Variants in CAPS2 observed in about 807,000 individuals in gnomAD.
CAPS2 encodes calcyphosine 2.
A neutral mutation model predicts 86.5 loss-of-function variants in CAPS2; 98 were observed. The observed-to-expected ratio is 1.13, with a 90% confidence interval of 0.96 to 1.34. CAPS2 has a LOEUF of 1.34. CAPS2 is among the 40% of genes most tolerant of loss of function. CAPS2 has a pLI of 0.00. For synonymous variants in CAPS2, 210 were observed against 225.1 expected, an observed-to-expected ratio of 0.93 and a Z score of 0.60; for missense variants, 729 against 686.8, an observed-to-expected ratio of 1.06 and a Z score of -0.69.
chr12:75,329,937 T>C (rs1483268724), upstream of CAPS2: 12 of 1,373,932 alleles, frequency 8.7e-6, no homozygotes, highest in Middle Eastern at 7.1e-4. Context: ...CCTAACAAGC[T>C]CGGTAAGAAG....
At chr12:75,344,597 G>A (rs896505820) in intron 1 of CAPS2, among the ~76,000 whole-genome samples, 4 of 151,914 alleles carry the variant, frequency 2.6e-5, no homozygotes, top group African/African-American at 7.3e-5. Flanking sequence ...TGTTAGCTCT[G>A]TGTTAGTTTC....
intron 1 of CAPS2, among the ~76,000 whole-genome samples, chr12:75,345,926 G>A (rs888628295): frequency 1.3e-5 from 2 of 152,142 alleles, no homozygotes; most frequent in African/African-American, 4.8e-5. Context: ...TTACACACAA[G>A]GTTAAGTAAT....
intron 1 of CAPS2, among the ~76,000 whole-genome samples, chr12:75,356,552 G>A (rs556513628): frequency 5.3e-5 from 8 of 151,920 alleles, no homozygotes; most frequent in South Asian, 4.2e-4. Flanking sequence ...AAGAGTAATC[G>A]CAAATAAGCC....
At chr12:75,305,659 GGCCCCTAGCACT>G (rs552350867) in intron 7 of CAPS2, 36 of 642,728 alleles carry the variant, frequency 5.6e-5, no homozygotes, top group Non-Finnish European at 1.0e-4. Context: ...GCGCCCACCA[GGCCCCTAGCACT>G]GCCCAGTCTG....
chr12:75,286,879 A>G (rs755993052), intron 14 of CAPS2, among the ~76,000 whole-genome samples: 1 of 151,938 alleles, frequency 6.6e-6, no homozygotes, highest in Non-Finnish European at 1.5e-5. Context: ...TGTTCCCTCT[A>G]TGTTAGAAGT....
chr12:75,330,837 T>C (rs2041244089), upstream of CAPS2, among the ~76,000 whole-genome samples: 1 of 151,502 alleles, frequency 6.6e-6, no homozygotes, highest in African/African-American at 2.4e-5. Context: ...CAGGCTGGAG[T>C]GCAATGGCAC....
chr12:75,318,776 T>C (rs936877106), intron 5 of CAPS2, among the ~76,000 whole-genome samples: 1 of 152,086 alleles, frequency 6.6e-6, no homozygotes, highest in African/African-American at 2.4e-5. Context: ...ATTTTTTTTT[T>C]CTCCTTGCCA....
At chr12:75,327,349 A>G (rs1266725952), upstream of CAPS2, among the ~76,000 whole-genome samples, 1 of 152,178 alleles carries the variant, frequency 6.6e-6, no homozygotes, top group Admixed American at 6.5e-5. Context: ...AAATGGTCCA[A>G]TTAGTAATAA....
intron 11 of CAPS2, among the ~76,000 whole-genome samples, chr12:75,297,816 T>A (rs1168790424): frequency 6.6e-6 from 1 of 152,156 alleles, no homozygotes; most frequent in Non-Finnish European, 1.5e-5. Flanking sequence ...AGCTGTCTTC[T>A]CCACCTGGAA....
intron 8 of CAPS2, among the ~76,000 whole-genome samples, chr12:75,303,560 T>C (rs979033688): frequency 1.3e-5 from 2 of 152,218 alleles, no homozygotes; most frequent in Non-Finnish European, 2.9e-5. Flanking sequence ...ATAATTCCTA[T>C]GTTGTGCACC....
At chr12:75,373,726 G>T (rs1566026161) in intron 1 of CAPS2, 1 of 153,416 alleles carries the variant, frequency 6.5e-6, no homozygotes, top group South Asian at 1.9e-4. Context: ...TCTGCCAACT[G>T]ATCATAGGGA....
intron 1 of CAPS2, chr12:75,366,917 G>A (rs1429730317): frequency 1.4e-6 from 1 of 701,692 alleles, no homozygotes; most frequent in Admixed American, 2.0e-5. Context: ...GTCAAAAGGG[G>A]TTAACCACCC....
At chr12:75,336,237 G>A (rs1409997485) in intron 1 of CAPS2, among the ~76,000 whole-genome samples, 1 of 151,800 alleles carries the variant, frequency 6.6e-6, no homozygotes, top group African/African-American at 2.4e-5. Context: ...AATCCAGTAA[G>A]TAGAATACTA....
At chr12:75,291,567 GTATATATATATATA>G (rs66622366) in intron 13 of CAPS2, among the ~76,000 whole-genome samples, 163 bp downstream of exon 13, 819 of 27,694 alleles carry the variant, frequency 0.03, 15 homozygotes, top group Middle Eastern at 0.1. Flanking sequence ...ATTTTTAAAA[GTATATATATATATA>G]TATATATATA....
At chr12:75,369,505 A>G (rs2044216317) in intron 1 of CAPS2, 1 of 977,214 alleles carries the variant, frequency 1.0e-6, no homozygotes, top group Non-Finnish European at 1.2e-6. Context: ...GCTGGATGCT[A>G]TTAGAATGGT....
chr12:75,361,072 A>G (rs1348449994), intron 1 of CAPS2: 1 of 152,166 alleles, frequency 6.6e-6, no homozygotes, highest in African/African-American at 2.4e-5. Context: ...CTCTCAACAA[A>G]GAGAAATGTG....
chr12:75,307,306 A>T (rs981002485), intron 7 of CAPS2, among the ~76,000 whole-genome samples: 4 of 152,262 alleles, frequency 2.6e-5, no homozygotes, highest in African/African-American at 9.6e-5. Flanking sequence ...GAAGCACTCA[A>T]TAGTTGAGGC....
At chr12:75,326,602 C>G, upstream of CAPS2, 1 of 708,792 alleles carries the variant, frequency 1.4e-6, no homozygotes, top group Admixed American at 2.3e-5. Flanking sequence ...AATTACCTAA[C>G]AAGTCTACCT....
At chr12:75,322,286 C>T (rs1451576420) in intron 4 of CAPS2, among the ~76,000 whole-genome samples, 1 of 151,962 alleles carries the variant, frequency 6.6e-6, no homozygotes, top group Non-Finnish European at 1.5e-5. Flanking sequence ...TAAGAGAAAC[C>T]TAAAAGAAGT....
Sources: allele counts gnomAD v4.1 joint callset (sites outside exome capture counted in the v4.1 genomes callset), GRCh38; gene constraint gnomAD v4.1.1; transcripts MANE v1.5; gene names NCBI Gene and HGNC (gene_info 2026-07-23, HGNC 2026-07-21).